Variants in SOBP observed in about 807,000 individuals in gnomAD.
SOBP encodes the protein sine oculis-binding protein homolog.
In SOBP, 4 loss-of-function variants were observed where a neutral mutation model predicts 53.6. The observed-to-expected ratio is 0.07, with a 90% CI of 0.04 to 0.17. The LOEUF is 0.17. Among genes scored for constraint, SOBP ranks in the 10% least tolerant of loss-of-function variants. SOBP has a pLI of 1.00. For missense variants in SOBP, 1,088 were observed against 1,204.7 expected (o/e 0.90, Z 1.43); for synonymous variants, 584 against 522.6 (o/e 1.12, Z -1.60).
At chr6:107,562,576 G>C (rs9784834) in intron 4 of SOBP, among the ~76,000 whole-genome samples, 10,332 of 152,158 alleles carry the variant, frequency 0.068, 808 homozygotes, top group African/African-American at 0.19. Flanking sequence ...TTCATGACCA[G>C]AATTCCATGT....
At chr6:107,648,344 C>A (rs1188324715) in intron 6 of SOBP, among the ~76,000 whole-genome samples, 1 of 152,004 alleles carries the variant, frequency 6.6e-6, no homozygotes, top group Non-Finnish European at 1.5e-5. Flanking sequence ...TCCACTGACC[C>A]CTTGAATGAG....
chr6:107,514,870 A>G (rs1783272475), intron 3 of SOBP: 1 of 152,246 alleles, frequency 6.6e-6, no homozygotes, highest in Non-Finnish European at 1.5e-5. Context: ...TTGAACAGAT[A>G]TAAAGCAAAC....
Position 107,661,279 on chromosome 6 carries a change from A to T in SOBP, c.*3076A>T, listed in dbSNP as rs1772283944. Reference sequence around the variant, plus strand: ...ATGCACAATTCTCTTGGGATATCAAAACCATATATAAAGAGAAATAGAAAC... The same window carrying T: ...ATGCACAATTCTCTTGGGATATCAATACCATATATAAAGAGAAATAGAAAC... On this transcript the variant is annotated 3_prime_UTR_variant, in exon 7 of 7. Coordinates refer to ENST00000317357, the MANE Select transcript of SOBP (RefSeq NM_018013.4). Among the ~76,000 whole-genome samples the T allele has an allele frequency of 6.6e-6, 1 of 152,198 alleles. No homozygotes were observed. Among genetic ancestry groups the T allele is most frequent in the Non-Finnish European group, 1.5e-5 (1 of 68,038 alleles).
intron 4 of SOBP, among the ~76,000 whole-genome samples, chr6:107,537,906 G>A (rs1784048589): frequency 6.6e-6 from 1 of 151,680 alleles, no homozygotes; most frequent in South Asian, 2.1e-4. Context: ...AGAAACCAAT[G>A]TGGCTCAGAG....
At position 107,635,293 on chromosome 6, in the gene SOBP, G is replaced by T. The variant is rs1417689313; in HGVS notation, c.2449G>T (p.Ala817Ser). The change falls in exon 6 of 7, where the codon GCT becomes TCT. Residue 817 changes from alanine to serine, a missense_variant. Ala to Ser is a moderately conservative substitution (Grantham distance 99). Transcript: ENST00000317357. The surrounding 1 kb of genome is among the most constrained non-coding windows in gnomAD (Gnocchi z 4.5). ...CCCCGCGGACGAGGACCATGCCTAT[G>T]CTCTGCGGATGCTGCCCAAGACCGG... is the stretch of plus-strand genomic sequence containing the variant. ...NNPADEDHAYALRMLPKTGCV... is the reference protein window; with the variant it reads ...NNPADEDHAYSLRMLPKTGCV... The T allele has an allele frequency of 6.2e-7, 1 of 1,613,904 alleles. No homozygotes were observed. The highest frequency in any genetic ancestry group is 8.5e-7 in the Non-Finnish European group (1 of 1,180,000).
intron 1 of SOBP, among the ~76,000 whole-genome samples, chr6:107,491,173 T>G (rs1422252452): frequency 6.6e-6 from 1 of 151,932 alleles, no homozygotes; most frequent in Non-Finnish European, 1.5e-5. Flanking sequence ...TCAATCCCGC[T>G]TCCCCCCAAC....
chr6:107,633,646 C>G lies in SOBP; in HGVS notation c.802C>G (p.Gln268Glu). Residue 268 changes from glutamine to glutamate, a missense_variant, in exon 6 of 7, where the codon CAG (glutamine) becomes GAG (glutamate). Gln to Glu is a conservative substitution (Grantham distance 29, BLOSUM62 2). This residue lies in a region of SOBP where 211 missense variants were observed against 258.9 expected (regional missense o/e 0.82). Coordinates refer to ENST00000317357, the MANE Select transcript of SOBP (RefSeq NM_018013.4). ...AATGGACATTTTCTACAAAGAGACC[C>G]AGGCCAATCTTCCAGCTGGGCTGTG... ...YKMDIFYKET[Q>E]ANLPAGLCST... The G allele has an allele frequency of 6.2e-7, 1 of 1,614,224 alleles. No homozygotes were observed. Among genetic ancestry groups the G allele is most frequent in the Non-Finnish European group, 8.5e-7 (1 of 1,180,036 alleles).
chr6:107,565,697 A>G (rs959392667), intron 4 of SOBP, among the ~76,000 whole-genome samples: 3 of 152,216 alleles, frequency 2.0e-5, no homozygotes, highest in Non-Finnish European at 4.4e-5. Context: ...TATGCACCTA[A>G]TCTCTAGGCA....
intron 6 of SOBP, among the ~76,000 whole-genome samples, chr6:107,654,824 G>A (rs1771960093): frequency 7.6e-6 from 1 of 131,852 alleles, no homozygotes; most frequent in South Asian, 2.6e-4. Context: ...GGGCTCTGAG[G>A]GGAGGGTGGC....
chr6:107,558,970 TATA>T (rs1159326895), intron 4 of SOBP, among the ~76,000 whole-genome samples: 1 of 152,184 alleles, frequency 6.6e-6, no homozygotes, highest in African/African-American at 2.4e-5. Context: ...TGTTTTTCAT[TATA>T]ATAAAAACCC....
intron 6 of SOBP, among the ~76,000 whole-genome samples, chr6:107,653,407 G>A (rs931859624): frequency 5.3e-5 from 8 of 152,232 alleles, no homozygotes; most frequent in East Asian, 1.9e-4. Context: ...CAGCGTTGCC[G>A]CAGCCAGCAC....
At chr6:107,626,976 T>G (rs1770489231) in intron 5 of SOBP, among the ~76,000 whole-genome samples, 1 of 152,110 alleles carries the variant, frequency 6.6e-6, no homozygotes, top group African/African-American at 2.4e-5. Context: ...GCTTTGAGAT[T>G]TCTTAGGTGA....
intron 5 of SOBP, among the ~76,000 whole-genome samples, chr6:107,600,207 A>C (rs938806924): frequency 2.0e-5 from 3 of 152,204 alleles, no homozygotes; most frequent in African/African-American, 7.2e-5. Context: ...GAGGATTGGA[A>C]TTTTTGTCTT....
intron 4 of SOBP, among the ~76,000 whole-genome samples, chr6:107,537,841 C>G (rs898814348): frequency 6.8e-6 from 1 of 148,024 alleles, no homozygotes. Flanking sequence ...AAAAAAAGAT[C>G]GAAATACTTC....
At chr6:107,511,466 C>A (rs553517395) in intron 3 of SOBP, 1 of 152,216 alleles carries the variant, frequency 6.6e-6, no homozygotes, top group East Asian at 1.9e-4. Flanking sequence ...CGTCATGAGG[C>A]GAGTTGCTTC....
chr6:107,492,179 T>C (rs192399475), intron 1 of SOBP, among the ~76,000 whole-genome samples: 63 of 152,296 alleles, frequency 4.1e-4, no homozygotes, highest in African/African-American at 1.5e-3. Flanking sequence ...TTTATTTTAT[T>C]TTTTTTAAGA....
intron 3 of SOBP, chr6:107,509,771 A>T (rs1783112464): frequency 6.6e-6 from 1 of 152,232 alleles, no homozygotes; most frequent in Non-Finnish European, 1.5e-5. Flanking sequence ...AAAGTCTTAG[A>T]TGTAGGAACT....
chr6:107,650,942 G>A (rs1583313185), intron 6 of SOBP, among the ~76,000 whole-genome samples: 1 of 152,132 alleles, frequency 6.6e-6, no homozygotes, highest in South Asian at 2.1e-4. Context: ...GTGAATGCAA[G>A]GAAAAAGTCC....
At chr6:107,566,821 T>A (rs962384402) in intron 4 of SOBP, among the ~76,000 whole-genome samples, 1 of 152,232 alleles carries the variant, frequency 6.6e-6, no homozygotes, top group African/African-American at 2.4e-5. Flanking sequence ...GCTGTACATC[T>A]TCTTGCAACA....
Sources: gnomAD v4.1 joint callset for allele counts (sites outside exome capture counted in the v4.1 genomes callset) on GRCh38, gnomAD v4.1.1 for gene constraint, gnomAD v4.1.1 regional missense constraint, Gnocchi (gnomAD v3.1) non-coding constraint, MANE v1.5 for transcripts, NCBI Gene and HGNC (gene_info 2026-07-23, HGNC 2026-07-21) for gene names.